SH3TC1: variants seen among roughly 807,000 people sequenced by gnomAD.
SH3TC1 encodes SH3 domain and tetratricopeptide repeats 1, also known as SH3 domain and tetratricopeptide repeat-containing protein 1.
Under a neutral mutation model 117.3 loss-of-function variants are expected in SH3TC1, and 135 were observed. The ratio of observed to expected loss-of-function variants is 1.15; its 90% CI spans 1.00 to 1.33. The LOEUF is 1.33. SH3TC1 is among the 40% of genes most tolerant of loss of function. The pLI is 0.00. For missense variants in SH3TC1, 2,092 were observed against 1,794.3 expected (o/e 1.17, Z -3.00); for synonymous variants, 898 against 816.9 (o/e 1.10, Z -1.69).
Position 8,216,200 on chromosome 4 carries a change from G to C in SH3TC1, c.571G>C (p.Val191Leu). The change falls in exon 6 of 18, where the codon GTC becomes CTC. Residue 191 changes from valine to leucine, a missense_variant. Transcript: ENST00000245105. ...TGAGGAGGAGGAGACGGCCATCCAA[G>C]TCCATGTGGATGAGAACGCCTTAAG... ...PSEEEETAIQVHVDENALRLT... is the reference protein window; with the variant it reads ...PSEEEETAIQLHVDENALRLT... The C allele has an allele frequency of 6.2e-7, 1 of 1,613,910 alleles. No individual in the cohort carries two copies. The highest frequency in any genetic ancestry group is 1.1e-5 in the South Asian group (1 of 91,060).
At chr4:8,223,028 C>T in intron 10 of SH3TC1, 58 bp downstream of exon 10, 1 of 1,569,712 alleles carries the variant, frequency 6.4e-7, no homozygotes, top group Non-Finnish European at 8.7e-7. Flanking sequence ...CTTCTGCAGC[C>T]CCTGCTGCCC....
At chr4:8,215,742 G>A (rs945823991) in intron 5 of SH3TC1, among the ~76,000 whole-genome samples, 7 of 152,186 alleles carry the variant, frequency 4.6e-5, no homozygotes, top group African/African-American at 7.2e-5. Context: ...GATGCGGGGC[G>A]GGGCTTGCAC....
At position 8,188,013 on chromosome 4, in the gene SH3TC1, G is replaced by T. The variant is rs56363481; in HGVS notation, c.-57+5803G>T. Among the ~76,000 whole-genome samples the T allele has an allele frequency of 7.9e-3, 1,209 of 152,220 alleles. 11 individuals are homozygous for T. Among genetic ancestry groups the T allele is most frequent in the Middle Eastern group, 0.044 (13 of 294 alleles). On this transcript the variant is annotated intron_variant, in intron 1 of 16. Coordinates refer to the SH3TC1 transcript ENST00000508641. ...GGATCTATTGATCCATTTAACTATT[G>T]GTCGGTTGATGGATCACACTTCGTT...
Position 8,225,191 on chromosome 4 carries a change from T to C in SH3TC1, c.1260T>C (p.Ala420=). The change falls in exon 11 of 18, where the codon GCT becomes GCC. Residue 420 remains alanine (A), a synonymous_variant. Transcript: ENST00000245105. The surrounding 1 kb of genome is among the most constrained non-coding windows in gnomAD (Gnocchi z 5.5). The part of the protein sequence containing the change: ...SVYSLDSVEE[A]ETEQPQEKEI... ...CCTTGCCAGACTCAGTAGAGGAAGC[T>C]GAGACCGAGCAGCCGCAGGAAAAAG... is the stretch of plus-strand genomic sequence containing the variant. 2 of 1,613,818 alleles carry C rather than the reference T, an allele frequency of 1.2e-6. No individual in the cohort carries two copies. Among genetic ancestry groups the C allele is most frequent in the Non-Finnish European group, 1.7e-6 (2 of 1,179,948 alleles).
At chr4:8,202,886 G>A (rs1447921339) in intron 1 of SH3TC1, among the ~76,000 whole-genome samples, 1 of 152,212 alleles carries the variant, frequency 6.6e-6, no homozygotes, top group African/African-American at 2.4e-5. Context: ...GTGGGTGGTT[G>A]TTGAAACCAA....
chr4:8,202,464 G>A (rs1318833397), intron 1 of SH3TC1, among the ~76,000 whole-genome samples: 1 of 152,250 alleles, frequency 6.6e-6, no homozygotes, highest in East Asian at 1.9e-4. Flanking sequence ...CAGCTTCCCC[G>A]GAGGGTCTCT....
chr4:8,212,177 G>T (rs1372640472), intron 3 of SH3TC1, among the ~76,000 whole-genome samples: 1 of 152,096 alleles, frequency 6.6e-6, no homozygotes, highest in Non-Finnish European at 1.5e-5. Context: ...GCTTAGGGAG[G>T]CAGAACTGAG....
intron 1 of SH3TC1, among the ~76,000 whole-genome samples, chr4:8,193,339 G>T (rs1386313017): frequency 6.6e-6 from 1 of 152,154 alleles, no homozygotes; most frequent in Non-Finnish European, 1.5e-5. Context: ...AACCCCTTGG[G>T]GTGCAAGCAT....
chr4:8,208,531 C>A (rs1164958280), intron 2 of SH3TC1, among the ~76,000 whole-genome samples: 1 of 152,122 alleles, frequency 6.6e-6, no homozygotes, highest in Admixed American at 6.5e-5. Flanking sequence ...CCCTGCCCGG[C>A]TAATTTTTGT....
rs1427301646 is a variant in SH3TC1, at chr4:8,206,868, T to C, written c.172+1502T>C. On this transcript the variant is annotated intron_variant, in intron 2 of 17. Coordinates refer to ENST00000245105, the MANE Select transcript of SH3TC1 (RefSeq NM_018986.5). The surrounding 1 kb of genome is among the most constrained non-coding windows in gnomAD (Gnocchi z 5.5). ...GTGTGTGTGTGTGTGTGTGTGTGTG[T>C]GATTTTCTTCTGATCCTTTTGGGAG... Among the ~76,000 whole-genome samples, 1 of 150,204 alleles carries C rather than the reference T, an allele frequency of 6.7e-6. No individual in the cohort carries two copies. Among genetic ancestry groups the C allele is most frequent in the Non-Finnish European group, 1.5e-5 (1 of 67,610 alleles).
intron 14 of SH3TC1, among the ~76,000 whole-genome samples, chr4:8,233,818 A>G (rs969375654): frequency 2.2e-4 from 31 of 142,130 alleles, no homozygotes; most frequent in Non-Finnish European, 6.1e-5. Flanking sequence ...TCCATCCATC[A>G]TCCGTCCATC....
rs375107066 is a variant in SH3TC1 at position 8,231,820 on chromosome 4, T to C, written c.2951-156T>C. ...TCTACCATGGGCATCTGCACCAAGC[T>C]GTGCCCATGTCACGGTGTGCTCAGC... On this transcript the variant is annotated intron_variant, in intron 12 of 17. Coordinates refer to ENST00000245105, the MANE Select transcript of SH3TC1 (RefSeq NM_018986.5). 1.3e-4 allele frequency: 100 copies of C among 774,906 alleles called. No homozygotes were observed. In the East Asian group the frequency reaches 2.6e-3, roughly 20 times the overall value. The allele number at this position is 774,906 out of a possible 1,614,324, so 48.0% of individuals were successfully genotyped here. A position where few individuals can be genotyped will look rare whatever the true frequency, so the allele number is the denominator to read the frequency against.
In SH3TC1 at chr4:8,186,578, G is replaced by A. The variant is rs552017776; in HGVS notation, c.-57+4368G>A. 1.3e-5 allele frequency among the ~76,000 whole-genome samples: 2 copies of A among 152,290 alleles called. No individual in the cohort carries two copies. Among genetic ancestry groups the A allele is most frequent in the Admixed American group, 6.5e-5 (1 of 15,292 alleles). On this transcript the variant is annotated intron_variant, in intron 1 of 16. Coordinates refer to the SH3TC1 transcript ENST00000508641. This position sits in a 1 kb window ranked among gnomAD's most constrained non-coding sequence, Gnocchi z 5.2. ...GAGGCTGATGGGAGTTTATGCCAAT[G>A]CCCTGCACTGGCTTCCCAACTTATC...
chr4:8,235,627 C>G, intron 15 of SH3TC1, 72 bp downstream of exon 15: 1 of 1,472,342 alleles, frequency 6.8e-7, no homozygotes, highest in Non-Finnish European at 9.0e-7. Context: ...ACAGGTGTGG[C>G]AGGGCAGAGC....
chr4:8,205,350 G>C lies in SH3TC1; in HGVS notation c.156G>C (p.Lys52Asn). Reference protein sequence around the residue: ...SWEKAGPEEAKAPVRGDEAPP... With the variant: ...SWEKAGPEEANAPVRGDEAPP... The stretch of plus-strand genomic sequence containing the variant: ...AGAAAGCGGGGCCCGAGGAGGCCAA[G>C]GCGCCAGTGAGAGGCGGTGAGTTCA... The change falls in exon 2 of 18, where the codon AAG (lysine) becomes AAC (asparagine). Residue 52 changes from lysine to asparagine, a missense_variant. Lys to Asn is a moderately conservative substitution (Grantham distance 94). Transcript: ENST00000245105. This position sits in a 1 kb window ranked among gnomAD's most constrained non-coding sequence, Gnocchi z 5.4. The C allele has an allele frequency of 6.5e-7, 1 of 1,548,886 alleles. No individual in the cohort carries two copies. The highest frequency in any genetic ancestry group is 8.7e-7 in the Non-Finnish European group (1 of 1,146,628).
chr4:8,209,754 C>A lies in SH3TC1; in HGVS notation c.179C>A (p.Ala60Asp), dbSNP rs148391768. 6.2e-7 allele frequency: 1 copy of A among 1,613,782 alleles called. No individual in the cohort carries two copies. The highest frequency in any genetic ancestry group is 8.5e-7 in the Non-Finnish European group (1 of 1,179,994). Reference protein sequence around the residue: ...EAKAPVRGDEAPPARVAGPAA... With the variant: ...EAKAPVRGDEDPPARVAGPAA... The stretch of plus-strand genomic sequence containing the variant: ...GGAACCTGCTGTGTTGCAGACGAGG[C>A]TCCTCCTGCCCGCGTGGCTGGGCCT... Residue 60 changes from alanine (A) to aspartate (D), a missense_variant, in exon 3 of 18, where the codon GCT (alanine) becomes GAT (aspartate). Ala to Asp is a moderately radical substitution (Grantham distance 126). Transcript: ENST00000245105. The surrounding 1 kb of genome is among the most constrained non-coding windows in gnomAD (Gnocchi z 5.9).
chr4:8,238,295 G>T (rs1722002513), intron 17 of SH3TC1, among the ~76,000 whole-genome samples: 1 of 152,216 alleles, frequency 6.6e-6, no homozygotes, highest in Non-Finnish European at 1.5e-5. Flanking sequence ...CAGCCAGGCT[G>T]AGGCCTTGCT....
chr4:8,200,407 T>C (rs1322518898), intron 1 of SH3TC1, among the ~76,000 whole-genome samples: 2 of 152,116 alleles, frequency 1.3e-5, no homozygotes, highest in Non-Finnish European at 1.5e-5. Context: ...AGCTGATGGC[T>C]CATCCGTGAA....
chr4:8,205,910 G>T lies in SH3TC1; in HGVS notation c.172+544G>T, dbSNP rs546962672. On this transcript the variant is annotated intron_variant, in intron 2 of 17. Transcript: ENST00000245105. This position sits in a 1 kb window ranked among gnomAD's most constrained non-coding sequence, Gnocchi z 5.4. ...TCCTGAGACCCTGAAGGGGACGAGGGGAGAGGCAGGGGAGACCAAGGCCTG... is the reference window on the plus strand; with the variant it reads ...TCCTGAGACCCTGAAGGGGACGAGGTGAGAGGCAGGGGAGACCAAGGCCTG... The T allele has an allele frequency of 1.5e-4, 82 of 533,050 alleles. No homozygotes were observed. The South Asian group carries it at 1.7e-3, about 11-fold the overall frequency. 33.0% of individuals were successfully genotyped at this position (533,050 alleles called of 1,614,324 possible). A position where few individuals can be genotyped will look rare whatever the true frequency, so the allele number is the denominator to read the frequency against.
Sources: gnomAD v4.1 joint callset for allele counts (sites outside exome capture counted in the v4.1 genomes callset) on GRCh38, gnomAD v4.1.1 for gene constraint, Gnocchi (gnomAD v3.1) non-coding constraint, MANE v1.5 for transcripts, NCBI Gene and HGNC (gene_info 2026-07-23, HGNC 2026-07-21) for gene names.